BRD10: variants seen among roughly 807,000 people sequenced by gnomAD.
The protein encoded by BRD10 is bromodomain containing 10, also known as uncharacterized bromodomain-containing protein 10.
the BRD10 span, among the ~76,000 whole-genome samples, chr9:5,995,763 G>C: frequency 2.0e-5 from 3 of 151,984 alleles, no homozygotes; most frequent in Non-Finnish European, 2.9e-5. Context: ...AGAGTGGAGA[G>C]AGAATACTAA....
chr9:6,008,230 C>G, the BRD10 span: 3 of 980,482 alleles, frequency 3.1e-6, no homozygotes, highest in Non-Finnish European at 3.6e-6. Context: ...GGGGCCGCAG[C>G]GGCGGCTCCG....
the BRD10 span, among the ~76,000 whole-genome samples, chr9:5,977,337 G>C: frequency 1.3e-5 from 2 of 152,172 alleles, no homozygotes; most frequent in African/African-American, 4.8e-5. Context: ...AGAGATGTGA[G>C]GAAGGACAAA....
chr9:5,907,934 C>G, the BRD10 span, among the ~76,000 whole-genome samples: 1 of 152,150 alleles, frequency 6.6e-6, no homozygotes, highest in African/African-American at 2.4e-5. Flanking sequence ...GCCTGGGAGA[C>G]AAGAGCAAAA....
At chr9:5,985,326 G>T in the BRD10 span, among the ~76,000 whole-genome samples, 1 of 152,082 alleles carries the variant, frequency 6.6e-6, no homozygotes, top group African/African-American at 2.4e-5. Context: ...CCATAACCTT[G>T]GGTACGCTAA....
At chr9:5,956,207 T>C in the BRD10 span, among the ~76,000 whole-genome samples, 3 of 152,154 alleles carry the variant, frequency 2.0e-5, no homozygotes, top group African/African-American at 7.2e-5. Context: ...TTTCATCTTA[T>C]TGTTACACAG....
the BRD10 span, chr9:5,913,865 A>C: frequency 7.0e-6 from 2 of 285,750 alleles, no homozygotes; most frequent in East Asian, 2.2e-4. Flanking sequence ...CACCTGAGTA[A>C]GCATCTTTGT....
the BRD10 span, chr9:5,920,000 G>A: frequency 1.2e-6 from 2 of 1,613,910 alleles, no homozygotes; most frequent in African/African-American, 1.3e-5. Context: ...TGATACTGTT[G>A]GTACAGGAGG....
the BRD10 span, among the ~76,000 whole-genome samples, chr9:5,924,256 A>G: frequency 6.6e-6 from 1 of 150,922 alleles, no homozygotes; most frequent in Admixed American, 6.6e-5. Flanking sequence ...GGCTCCTGAA[A>G]CTCCTAGAAA....
the BRD10 span, among the ~76,000 whole-genome samples, chr9:6,006,675 CA>C: frequency 3.9e-5 from 6 of 152,148 alleles, no homozygotes; most frequent in Non-Finnish European, 8.8e-5. Context: ...CAGTAGTATG[CA>C]AAAGTAACCA....
At chr9:5,882,820 T>G in the BRD10 span, among the ~76,000 whole-genome samples, 1,803 of 152,250 alleles carry the variant, frequency 0.012, 32 homozygotes, top group African/African-American at 0.041. Flanking sequence ...CATGGAATAC[T>G]ATGCAGCCAT....
At chr9:6,003,900 C>T in the BRD10 span, among the ~76,000 whole-genome samples, 1 of 152,102 alleles carries the variant, frequency 6.6e-6, no homozygotes, top group Non-Finnish European at 1.5e-5. Context: ...CTAATATTTT[C>T]TTCTCTCACC....
the BRD10 span, among the ~76,000 whole-genome samples, chr9:5,939,257 G>A: frequency 3.3e-5 from 5 of 151,936 alleles, no homozygotes; most frequent in African/African-American, 9.7e-5. Context: ...TATTACATGT[G>A]TAATAAGTGG....
At chr9:5,893,919 C>G in the BRD10 span, among the ~76,000 whole-genome samples, 2 of 131,526 alleles carry the variant, frequency 1.5e-5, no homozygotes, top group African/African-American at 5.6e-5. Context: ...CCCCCCGCCC[C>G]GTGGCACCCA....
At chr9:5,887,453 T>TTGAA in the BRD10 span, among the ~76,000 whole-genome samples, 1 of 152,130 alleles carries the variant, frequency 6.6e-6, no homozygotes, top group Non-Finnish European at 1.5e-5. Context: ...ACCAGAGAAC[T>TTGAA]TGAATGAGAC....
the BRD10 span, chr9:5,920,240 T>A: frequency 8.1e-6 from 13 of 1,613,772 alleles, no homozygotes; most frequent in Non-Finnish European, 1.1e-5. Context: ...GGGGGCTCCA[T>A]ATTTTGGATT....
the BRD10 span, among the ~76,000 whole-genome samples, chr9:6,003,356 T>C: frequency 3.9e-5 from 6 of 152,184 alleles, no homozygotes; most frequent in African/African-American, 9.6e-5. Flanking sequence ...GAGGTAAAAA[T>C]TCATACTAAT....
chr9:5,890,899 G>A, the BRD10 span: 2 of 152,138 alleles, frequency 1.3e-5, no homozygotes, highest in Non-Finnish European at 1.5e-5. Context: ...CTTCATACAC[G>A]CGGCCAGCCA....
At chr9:5,968,258 T>C in the BRD10 span, 6 of 1,612,568 alleles carry the variant, frequency 3.7e-6, no homozygotes, top group South Asian at 2.2e-5. Context: ...CCTTACAACT[T>C]TGTGGCAGTT....
At chr9:5,999,825 C>T in the BRD10 span, among the ~76,000 whole-genome samples, 7 of 151,964 alleles carry the variant, frequency 4.6e-5, no homozygotes, top group Admixed American at 3.9e-4. Flanking sequence ...CCCTATAGTG[C>T]CTATCAAATA....
Sources: gnomAD v4.1 joint callset for allele counts (sites outside exome capture counted in the v4.1 genomes callset) on GRCh38, gnomAD v4.1.1 for gene constraint, MANE v1.5 for transcripts, NCBI Gene and HGNC (gene_info 2026-07-23, HGNC 2026-07-21) for gene names.